The following FAAH2 variants were observed in gnomAD, a reference collection of about 807,000 sequenced individuals.
FAAH2 encodes fatty acid amide hydrolase 2, also known as fatty-acid amide hydrolase 2.
Under a neutral mutation model 36.9 loss-of-function variants are expected in FAAH2, and 60 were observed. That is an observed-to-expected ratio of 1.63 (90% CI 1.32 to 2.02). The LOEUF is 2.02. FAAH2 is among the 30% of genes most tolerant of loss of function. FAAH2 has a pLI of 0.00. For synonymous variants in FAAH2, 214 were observed against 143.8 expected (o/e 1.49, Z -3.49); for missense variants, 689 against 397.5 (o/e 1.73, Z -6.23).
At chrX:57,313,456 T>C (rs746842375) in intron 3 of FAAH2, among the ~76,000 whole-genome samples, 13 of 107,609 alleles carry the variant, frequency 1.2e-4, no homozygotes, top group Admixed American at 9.4e-4. Flanking sequence ...CCAAGGTCAA[T>C]ACAAAAATAA....
chrX:57,175,396 C>T, the FAAH2 span, among the ~76,000 whole-genome samples: 1 of 111,614 alleles, frequency 9.0e-6, no homozygotes, highest in Non-Finnish European at 1.9e-5. Context: ...CTCCTGAATG[C>T]TTTTGGTTTT....
chrX:57,163,890 A>G, the FAAH2 span, among the ~76,000 whole-genome samples: 3,423 of 111,945 alleles, frequency 0.031, 116 homozygotes, highest in African/African-American at 0.11. Flanking sequence ...TCCTCCCTTA[A>G]TATGAATTTC....
At chrX:57,470,412 G>T (rs759380411) in intron 10 of FAAH2, among the ~76,000 whole-genome samples, 1 of 111,167 alleles carries the variant, frequency 9.0e-6, no homozygotes, top group African/African-American at 3.3e-5. Context: ...ATGATAAAGC[G>T]GATATCAACA....
intron 5 of FAAH2, 129 bp from the exon 6 acceptor site, chrX:57,378,522 T>C: frequency 1.1e-5 from 9 of 817,573 alleles, no homozygotes; most frequent in Non-Finnish European, 1.4e-5. Flanking sequence ...TGCAATGAGA[T>C]ATAAGAAGAC....
At chrX:57,338,772 G>GA (rs779558648) in intron 4 of FAAH2, among the ~76,000 whole-genome samples, 116 of 106,078 alleles carry the variant, frequency 1.1e-3, no homozygotes, top group Admixed American at 2.1e-3. Flanking sequence ...CAAACAAATG[G>GA]AAAAAAAAAA....
chrX:57,250,173 T>C, the FAAH2 span, among the ~76,000 whole-genome samples: 1 of 112,209 alleles, frequency 8.9e-6, no homozygotes, highest in African/African-American at 3.2e-5. Context: ...GAGCAATTTA[T>C]TGTGGCATCT....
At chrX:57,131,453 G>A in the FAAH2 span, among the ~76,000 whole-genome samples, 19 of 111,910 alleles carry the variant, frequency 1.7e-4, no homozygotes, top group African/African-American at 5.9e-4. Flanking sequence ...CTTTATGGCC[G>A]TACCAGAGAT....
chrX:57,206,595 T>C, the FAAH2 span, among the ~76,000 whole-genome samples: 4 of 112,714 alleles, frequency 3.5e-5, no homozygotes, highest in Admixed American at 3.7e-4. Flanking sequence ...TAACATGCCT[T>C]GTGGCAACAC....
At chrX:57,357,517 T>A (rs907995606) in intron 5 of FAAH2, among the ~76,000 whole-genome samples, 1 of 111,326 alleles carries the variant, frequency 9.0e-6, no homozygotes, top group Non-Finnish European at 1.9e-5. Flanking sequence ...CATCAAAAAG[T>A]GGGCAAAGGA....
chrX:57,482,251 G>T (rs183689295), intron 10 of FAAH2, among the ~76,000 whole-genome samples: 161 of 111,427 alleles, frequency 1.4e-3, no homozygotes, highest in Middle Eastern at 0.014. Context: ...GTGAACAGTT[G>T]TGTCTCACTC....
At chrX:57,258,065 T>G in the FAAH2 span, among the ~76,000 whole-genome samples, 1 of 111,560 alleles carries the variant, frequency 9.0e-6, no homozygotes, top group Non-Finnish European at 1.9e-5. Flanking sequence ...ATTATAGTAA[T>G]CAAAACAGCA....
chrX:57,488,612 A>G lies in FAAH2; in HGVS notation c.1424-145A>G, dbSNP rs1357021238. ...GTGATGTCAAATATTTAATACAGAT[A>G]AAGTTCCTAAATATTATTAAGTCCT... On this transcript the variant is annotated intron_variant, in intron 10 of 10. Coordinates refer to ENST00000374900, the MANE Select transcript of FAAH2 (RefSeq NM_174912.4). The G allele has an allele frequency of 7.4e-6, 4 of 541,517 alleles. No individual in the cohort carries two copies. In the Admixed American group the frequency reaches 1.3e-4, roughly 18 times the overall value. 44.6% of individuals were successfully genotyped at this position (541,517 alleles called of 1,213,427 possible).
chrX:57,404,970 T>A (rs954228288), intron 7 of FAAH2, among the ~76,000 whole-genome samples: 1 of 111,704 alleles, frequency 9.0e-6, no homozygotes, highest in Non-Finnish European at 1.9e-5. Flanking sequence ...AGAAGCTGGT[T>A]CCAGGCAGAC....
chrX:57,486,345 G>T (rs1481341000), intron 10 of FAAH2, among the ~76,000 whole-genome samples: 1 of 111,322 alleles, frequency 9.0e-6, no homozygotes, highest in Non-Finnish European at 1.9e-5. Flanking sequence ...CAGTCAGTGG[G>T]GTTGGGTGGG....
At chrX:57,231,302 G>A in the FAAH2 span, among the ~76,000 whole-genome samples, 13 of 110,182 alleles carry the variant, frequency 1.2e-4, no homozygotes, top group African/African-American at 3.3e-4. Flanking sequence ...TATCTTCCTA[G>A]CACAATGAAG....
At chrX:57,407,959 T>A (rs949275568) in intron 7 of FAAH2, among the ~76,000 whole-genome samples, 1 of 112,097 alleles carries the variant, frequency 8.9e-6, no homozygotes, top group Admixed American at 9.5e-5. Flanking sequence ...TTCTTGACTT[T>A]ATACACATGG....
intron 5 of FAAH2, among the ~76,000 whole-genome samples, chrX:57,343,996 G>T (rs979369391): frequency 9.0e-6 from 1 of 110,714 alleles, no homozygotes; most frequent in African/African-American, 3.3e-5. Flanking sequence ...AGCTTCATGT[G>T]GTTTTGGTTA....
intron 10 of FAAH2, among the ~76,000 whole-genome samples, chrX:57,453,732 C>A (rs755134974): frequency 8.9e-6 from 1 of 112,054 alleles, no homozygotes; most frequent in South Asian, 3.8e-4. Context: ...TCTTGAACCC[C>A]CGGAAAGCAC....
intron 8 of FAAH2, among the ~76,000 whole-genome samples, chrX:57,440,662 G>C (rs570457199): frequency 1.8e-5 from 2 of 111,739 alleles, no homozygotes; most frequent in East Asian, 2.8e-4. Flanking sequence ...GTGAGAGAGG[G>C]CATCCCTGTC....
Sources: allele counts gnomAD v4.1 joint callset (sites outside exome capture counted in the v4.1 genomes callset), GRCh38; gene constraint gnomAD v4.1.1; transcripts MANE v1.5; gene names NCBI Gene and HGNC (gene_info 2026-07-23, HGNC 2026-07-21).